The following TTC3 variants were observed in gnomAD, a reference collection of about 807,000 sequenced individuals.
TTC3 encodes tetratricopeptide repeat domain 3, also known as E3 ubiquitin-protein ligase TTC3.
Under a neutral mutation model 249.6 loss-of-function variants are expected in TTC3, and 180 were observed. The observed-to-expected ratio is 0.72, with a 90% CI of 0.64 to 0.82. The LOEUF (loss-of-function observed/expected upper bound fraction) is 0.82. TTC3 is among the 40% of genes least tolerant of loss of function. The pLI is 0.00. For missense variants in TTC3, 2,061 were observed against 2,398.4 expected, an observed-to-expected ratio of 0.86 and a Z score of 2.94; for synonymous variants, 717 against 805.0, an observed-to-expected ratio of 0.89 and a Z score of 1.85.
At chr21:37,078,672 A>G (rs997872606) in intron 1 of TTC3, among the ~76,000 whole-genome samples, 3 of 152,126 alleles carry the variant, frequency 2.0e-5, no homozygotes, top group African/African-American at 7.2e-5. Flanking sequence ...CACTTGATAA[A>G]CTTACTACTT....
chr21:37,185,706 GTA>G lies in TTC3; in HGVS notation c.4761_4762del (p.Thr1588ProfsTer4). On this transcript the variant is annotated frameshift_variant and splice_region_variant, in exon 37 of 46. Coordinates refer to ENST00000355666, the Ensembl canonical transcript of TTC3. LOFTEE classifies it high-confidence loss of function. ...ATATTTGGTGATTATGCTTTTATAG[GTA>G]TACCCAGAAAAATGATGGAAAGGAA... The G allele has an allele frequency of 6.5e-7, 1 of 1,540,276 alleles. No homozygotes were observed. Among genetic ancestry groups the G allele is most frequent in the Non-Finnish European group, 8.7e-7 (1 of 1,147,086 alleles).
At chr21:37,073,598 C>A in intron 1 of TTC3, 125 bp downstream of exon 1, 1 of 725,678 alleles carries the variant, frequency 1.4e-6, no homozygotes, top group Non-Finnish European at 1.7e-6. Flanking sequence ...GGTTTGCCCC[C>A]TTGGTCTGGT....
At chr21:37,135,490 C>T (rs200220978) in exon 18 of TTC3, 113 of 1,613,280 alleles carry the variant, frequency 7.0e-5, no homozygotes, top group Non-Finnish European at 9.2e-5. Context: ...AGTTGCTGAA[C>T]GGTTTAGATC....
intron 35 of TTC3, among the ~76,000 whole-genome samples, chr21:37,180,286 T>C (rs1047049867): frequency 2.6e-5 from 4 of 152,242 alleles, no homozygotes; most frequent in African/African-American, 9.6e-5. Context: ...TTCATTTTTA[T>C]ATTACTCTCA....
intron 35 of TTC3, among the ~76,000 whole-genome samples, chr21:37,179,703 A>G (rs2082584394): frequency 6.6e-6 from 1 of 151,890 alleles, no homozygotes; most frequent in African/African-American, 2.4e-5. Context: ...TGGGGGTCTC[A>G]TTGTATTGCC....
intron 6 of TTC3, 47 bp downstream of exon 6, chr21:37,090,333 C>G (rs1258240389): frequency 6.7e-7 from 1 of 1,498,258 alleles, no homozygotes; most frequent in Non-Finnish European, 9.3e-7. Flanking sequence ...GGATGAGTGG[C>G]AGTCATCTCA....
At chr21:37,126,802 G>A (rs1197266686) in intron 15 of TTC3, among the ~76,000 whole-genome samples, 1 of 151,848 alleles carries the variant, frequency 6.6e-6, no homozygotes, top group Non-Finnish European at 1.5e-5. Flanking sequence ...TTTTTGCCGT[G>A]TTCTCATGTA....
chr21:37,154,405 A>G (rs911729155), intron 27 of TTC3, among the ~76,000 whole-genome samples: 1 of 152,244 alleles, frequency 6.6e-6, no homozygotes, highest in Non-Finnish European at 1.5e-5. Flanking sequence ...AGACAGCTGA[A>G]CATGCCTGCT....
chr21:37,096,245 T>C (rs771450172), intron 9 of TTC3, among the ~76,000 whole-genome samples: 2 of 152,248 alleles, frequency 1.3e-5, no homozygotes, highest in African/African-American at 2.4e-5. Context: ...TCCTGACTTA[T>C]TATATAAGTA....
chr21:37,164,095 A>G, exon 32 of TTC3: 3 of 1,612,746 alleles, frequency 1.9e-6, no homozygotes, highest in African/African-American at 1.3e-5. Flanking sequence ...GTGCCTGACC[A>G]TCTTCGGCAA....
chr21:37,159,828 T>C lies in TTC3; in HGVS notation c.3039+83T>C, dbSNP rs147136821. On this transcript the variant is annotated intron_variant, in intron 29 of 45. Transcript: ENST00000355666. Reference sequence around the variant, plus strand: ...AGAAGGGGACCCAGGCCAGTGTTTATTGACATCACAGCCAGCATTCAAGAA... The same window carrying C: ...AGAAGGGGACCCAGGCCAGTGTTTACTGACATCACAGCCAGCATTCAAGAA... The C allele has an allele frequency of 4.4e-4, 571 of 1,298,756 alleles. 3 individuals carry two copies. The African/African-American group carries it at 6.0e-3, about 14-fold the overall frequency. 80.5% of individuals were successfully genotyped at this position (1,298,756 alleles called of 1,614,324 possible). A position where few individuals can be genotyped will look rare whatever the true frequency, so the allele number is the denominator to read the frequency against.
chr21:37,106,608 G>A (rs1484846427), intron 10 of TTC3, among the ~76,000 whole-genome samples: 1 of 152,206 alleles, frequency 6.6e-6, no homozygotes, highest in African/African-American at 2.4e-5. Flanking sequence ...ATATGGGCCA[G>A]GTGCGGTGGC....
chr21:37,178,355 A>T (rs1439442625), intron 35 of TTC3, among the ~76,000 whole-genome samples: 2 of 152,164 alleles, frequency 1.3e-5, no homozygotes, highest in African/African-American at 4.8e-5. Context: ...ATTGCTGATC[A>T]TATGGCAATT....
intron 39 of TTC3, among the ~76,000 whole-genome samples, chr21:37,189,138 T>C (rs927654652): frequency 1.3e-5 from 2 of 152,254 alleles, no homozygotes; most frequent in Admixed American, 6.5e-5. Flanking sequence ...CCAAGTTGCT[T>C]TCCATAGTAG....
At chr21:37,138,301 A>T (rs2147947686) in intron 18 of TTC3, among the ~76,000 whole-genome samples, 1 of 152,322 alleles carries the variant, frequency 6.6e-6, no homozygotes, top group Non-Finnish European at 1.5e-5. Context: ...GTATGCCTAT[A>T]ATAGCTAAGT....
intron 11 of TTC3, among the ~76,000 whole-genome samples, chr21:37,109,978 C>T (rs2075496017): frequency 6.6e-6 from 1 of 152,198 alleles, no homozygotes; most frequent in Non-Finnish European, 1.5e-5. Flanking sequence ...CAGTAAACTC[C>T]AACAGACCTG....
At chr21:37,179,889 T>C (rs1355876408) in intron 35 of TTC3, among the ~76,000 whole-genome samples, 1 of 152,238 alleles carries the variant, frequency 6.6e-6, no homozygotes, top group Admixed American at 6.5e-5. Context: ...CAGTGTGTGC[T>C]TGGCCCCTGA....
intron 6 of TTC3, 159 bp downstream of exon 6, chr21:37,090,445 G>A: frequency 1.7e-6 from 1 of 590,280 alleles, no homozygotes; most frequent in Non-Finnish European, 2.1e-6. Context: ...TCCTCATTTT[G>A]GGGGTTTGGA....
rs564017088 is a variant in TTC3, at chr21:37,116,125, C to G, written c.901-5692C>G. On this transcript the variant is annotated intron_variant, in intron 11 of 45. Transcript: ENST00000355666. ...TCACTCTTGAATCCAGACTGTCTGA[C>G]AAGCTGCCTGACACTTACTTAGCAG... 2.0e-5 allele frequency among the ~76,000 whole-genome samples: 3 copies of G among 152,294 alleles called. No individual in the cohort carries two copies. In the East Asian group the frequency reaches 5.8e-4, roughly 29 times the overall value.
Sources: allele counts gnomAD v4.1 joint callset (sites outside exome capture counted in the v4.1 genomes callset), GRCh38; gene constraint gnomAD v4.1.1; transcripts MANE v1.5; gene names NCBI Gene and HGNC (gene_info 2026-07-23, HGNC 2026-07-21).